ACSS3: variants seen among roughly 807,000 people sequenced by gnomAD.
ACSS3 encodes the protein acyl-CoA synthetase short chain family member 3, also known as acyl-CoA synthetase short-chain family member 3, mitochondrial.
In ACSS3, 64 loss-of-function variants were observed where a neutral mutation model predicts 84.2. The observed-to-expected ratio is 0.76, with a 90% CI of 0.62 to 0.94. The LOEUF is 0.94. Ranked by LOEUF, ACSS3 falls within the 40% of genes least tolerant of loss-of-function variation. The pLI, the probability that ACSS3 is intolerant of heterozygous loss-of-function variation, is 0.00. For synonymous variants in ACSS3, 317 were observed against 310.1 expected (o/e 1.02, Z -0.23); for missense variants, 815 against 867.6 (o/e 0.94, Z 0.76).
At position 81,255,082 on chromosome 12, in the gene ACSS3, A is replaced by G; in HGVS notation, c.*160A>G. The G allele has an allele frequency of 1.6e-6, 1 of 643,920 alleles. No individual in the cohort carries two copies. Among genetic ancestry groups the G allele is most frequent in the Non-Finnish European group, 2.5e-6 (1 of 405,556 alleles). The allele number at this position is 643,920 out of a possible 1,614,324, so 39.9% of individuals were successfully genotyped here. ...AAACAAATCTAATGAAAACATGTGA[A>G]AGACCTGTGCCTTTTTTTTGGTTTG... On this transcript the variant is annotated 3_prime_UTR_variant, in exon 16 of 16. Transcript: ENST00000548058.
At chr12:81,241,605 C>A (rs963421402) in intron 13 of ACSS3, among the ~76,000 whole-genome samples, 7 of 152,124 alleles carry the variant, frequency 4.6e-5, no homozygotes, top group Non-Finnish European at 1.0e-4. Context: ...AGCACTTTTT[C>A]ATGTGTTTTT....
At chr12:81,137,910 G>A (rs530050840) in intron 3 of ACSS3, among the ~76,000 whole-genome samples, 11 of 152,104 alleles carry the variant, frequency 7.2e-5, no homozygotes, top group Non-Finnish European at 2.9e-5. Context: ...AAGGCAGCTT[G>A]ATATGGTGGA....
chr12:81,182,313 G>C (rs936466356), intron 8 of ACSS3, among the ~76,000 whole-genome samples: 1 of 152,124 alleles, frequency 6.6e-6, no homozygotes, highest in African/African-American at 2.4e-5. Context: ...AGGAAAGAAG[G>C]ATAAATAAAG....
intron 13 of ACSS3, among the ~76,000 whole-genome samples, chr12:81,241,677 G>A (rs1284601610): frequency 6.6e-6 from 1 of 152,008 alleles, no homozygotes; most frequent in Non-Finnish European, 1.5e-5. Flanking sequence ...ACTTTTTGAT[G>A]GGGTTGTTTG....
chr12:81,202,412 T>C (rs143707334), intron 9 of ACSS3, among the ~76,000 whole-genome samples: 6 of 152,308 alleles, frequency 3.9e-5, no homozygotes, highest in African/African-American at 1.2e-4. Flanking sequence ...TATGAAATAT[T>C]ACAAAAAGAT....
At chr12:81,129,433 A>G (rs1885339290) in intron 2 of ACSS3, among the ~76,000 whole-genome samples, 1 of 152,174 alleles carries the variant, frequency 6.6e-6, no homozygotes. Context: ...CTGTTATTCA[A>G]GAACACAGGC....
intron 4 of ACSS3, among the ~76,000 whole-genome samples, chr12:81,140,444 A>G (rs748705140): frequency 1.2e-4 from 19 of 152,154 alleles, no homozygotes; most frequent in Non-Finnish European, 2.1e-4. Context: ...ATCATGTGCA[A>G]TTAATTTATA....
At chr12:81,121,107 C>T (rs1254935540) in intron 2 of ACSS3, among the ~76,000 whole-genome samples, 2 of 152,132 alleles carry the variant, frequency 1.3e-5, no homozygotes, top group African/African-American at 4.8e-5. Flanking sequence ...TTGTACCATT[C>T]CTGGGATATT....
At chr12:81,107,277 C>T (rs1344658134) in intron 1 of ACSS3, among the ~76,000 whole-genome samples, 1 of 150,954 alleles carries the variant, frequency 6.6e-6, no homozygotes, top group Non-Finnish European at 1.5e-5. Flanking sequence ...AAAGAGCTGG[C>T]AAAGAAGTAG....
At chr12:81,203,401 A>G (rs995444234) in intron 9 of ACSS3, among the ~76,000 whole-genome samples, 7 of 152,168 alleles carry the variant, frequency 4.6e-5, no homozygotes, top group African/African-American at 1.7e-4. Flanking sequence ...ATTGCTAGGT[A>G]TTTCTTAATT....
chr12:81,206,251 C>A (rs770956638), intron 9 of ACSS3, among the ~76,000 whole-genome samples: 7 of 152,020 alleles, frequency 4.6e-5, no homozygotes, highest in African/African-American at 7.2e-5. Context: ...AAGTACATGT[C>A]TGTGTTTCAA....
chr12:81,120,473 T>A (rs977809442), intron 2 of ACSS3, among the ~76,000 whole-genome samples: 1 of 152,176 alleles, frequency 6.6e-6, no homozygotes, highest in Non-Finnish European at 1.5e-5. Context: ...TATAAAATCA[T>A]TTAATCTAGC....
At chr12:81,171,544 T>C (rs559995356) in intron 7 of ACSS3, among the ~76,000 whole-genome samples, 1 of 152,292 alleles carries the variant, frequency 6.6e-6, no homozygotes, top group Admixed American at 6.5e-5. Context: ...TTCAATTAAC[T>C]TATGAAAGAA....
chr12:81,187,847 G>T (rs984456816), intron 8 of ACSS3, among the ~76,000 whole-genome samples: 6 of 151,796 alleles, frequency 4.0e-5, no homozygotes, highest in Non-Finnish European at 7.4e-5. Flanking sequence ...GCAGAGAAAT[G>T]GTTGCTATCT....
chr12:81,224,548 A>C (rs79452553), intron 11 of ACSS3, among the ~76,000 whole-genome samples: 1 of 133,618 alleles, frequency 7.5e-6, no homozygotes, highest in African/African-American at 2.8e-5. Context: ...ATATACATAC[A>C]TACATATATA....
At chr12:81,180,518 T>C (rs528292406) in intron 8 of ACSS3, among the ~76,000 whole-genome samples, 4 of 152,306 alleles carry the variant, frequency 2.6e-5, no homozygotes, top group African/African-American at 9.6e-5. Flanking sequence ...TATCTGTCTG[T>C]CTATATTTTT....
chr12:81,236,314 G>A (rs1053269062), intron 13 of ACSS3, among the ~76,000 whole-genome samples: 1 of 151,386 alleles, frequency 6.6e-6, no homozygotes, highest in Non-Finnish European at 1.5e-5. Context: ...AACTTTAAGT[G>A]ATTGCAATGA....
At chr12:81,088,452 T>C (rs1881461569) in intron 1 of ACSS3, among the ~76,000 whole-genome samples, 1 of 152,018 alleles carries the variant, frequency 6.6e-6, no homozygotes, top group Non-Finnish European at 1.5e-5. Context: ...TAGCTAACCT[T>C]TTTATTATCT....
At position 81,233,516 on chromosome 12, in the gene ACSS3, C is replaced by G. The variant is rs757827296; in HGVS notation, c.1719+45C>G. 3.7e-6 allele frequency: 6 copies of G among 1,600,906 alleles called. No individual in the cohort carries two copies. In the South Asian group the frequency reaches 6.7e-5, roughly 18 times the overall value. On this transcript the variant is annotated intron_variant, in intron 13 of 15. Coordinates refer to ENST00000548058, the MANE Select transcript of ACSS3 (RefSeq NM_024560.4). ...TTCTATTCCAAGTAGTGCTTAGGCA[C>G]AGAGCTGCACTGAAGACAATATTGA...
Sources: allele counts gnomAD v4.1 joint callset (sites outside exome capture counted in the v4.1 genomes callset), GRCh38; gene constraint gnomAD v4.1.1; transcripts MANE v1.5; gene names NCBI Gene and HGNC (gene_info 2026-07-23, HGNC 2026-07-21).